HDGF: variants seen among roughly 807,000 people sequenced by gnomAD.
HDGF encodes the protein hepatoma-derived growth factor.
A neutral mutation model predicts 30.0 loss-of-function variants in HDGF; 5 were observed. The observed-to-expected ratio is 0.17, with a 90% CI of 0.09 to 0.35. The LOEUF is 0.35. HDGF is among the 10% of genes least tolerant of loss of function. The pLI is 1.00. For synonymous variants in HDGF, 133 were observed against 112.7 expected (o/e 1.18, Z -1.14); for missense variants, 214 against 302.8 (o/e 0.71, Z 2.18).
In HDGF at chr1:156,744,352, C is replaced by T. The variant is rs878897153; in HGVS notation, c.304-4G>A. ...CACAGCTCTTTTTCTGGGAGGACTG[C>T]AGCAGAGACAGCACAGGCTGAGTGG... On this transcript the variant is annotated splice_region_variant and splice_polypyrimidine_tract_variant and intron_variant, in intron 3 of 5. Transcript: ENST00000357325. 1 of 1,613,718 alleles carries T rather than the reference C, an allele frequency of 6.2e-7. No homozygotes were observed. Among genetic ancestry groups the T allele is most frequent in the Non-Finnish European group, 8.5e-7 (1 of 1,179,914 alleles).
intron 1 of HDGF, among the ~76,000 whole-genome samples, chr1:156,763,422 G>T (rs1571563176): frequency 1.3e-5 from 2 of 150,610 alleles, no homozygotes; most frequent in African/African-American, 4.9e-5. Context: ...CATCATGTTG[G>T]CCAGGCTGGC....
intron 1 of HDGF, among the ~76,000 whole-genome samples, chr1:156,747,626 G>A (rs745339285): frequency 6.6e-6 from 1 of 152,012 alleles, no homozygotes; most frequent in Non-Finnish European, 1.5e-5. Flanking sequence ...GTGGATCTGT[G>A]TGCACCCAGA....
rs534111434 is a variant in HDGF at position 156,749,579 on chromosome 1, C to T, written c.87+1764G>A. On this transcript the variant is annotated intron_variant, in intron 1 of 5. Transcript: ENST00000357325. Reference sequence around the variant, plus strand: ...GTCCAGGCCTCAACAGAGGAAGAAACGCTGCCTCCCCTGTCCTTCCCTTCT... The same window carrying T: ...GTCCAGGCCTCAACAGAGGAAGAAATGCTGCCTCCCCTGTCCTTCCCTTCT... Among the ~76,000 whole-genome samples, 9 of 152,308 alleles carry T rather than the reference C, an allele frequency of 5.9e-5. No homozygotes were observed. In the South Asian group the frequency reaches 1.2e-3, roughly 21 times the overall value.
chr1:156,754,989 G>A (rs1651131989), upstream of HDGF, among the ~76,000 whole-genome samples: 1 of 152,158 alleles, frequency 6.6e-6, no homozygotes, highest in African/African-American at 2.4e-5. Context: ...AATTCAGGAG[G>A]TTCGGAGTGT....
Position 156,751,400 on chromosome 1 carries a change from G to A in HDGF, c.30C>T (p.Tyr10=). The part of the protein sequence containing the change: MSRSNRQKE[Y]KCGDLVFAKM... ...TGGCGAACACCAGGTCCCCGCATTT[G>A]TACTCCTTCTGCCGGTTGGATCGCG... Residue 10 remains tyrosine (Y), a synonymous_variant, in exon 1 of 6, where the codon TAC becomes TAT. Transcript: ENST00000357325. This position sits in a 1 kb window ranked among gnomAD's most constrained non-coding sequence, Gnocchi z 4.7. 6.2e-7 allele frequency: 1 copy of A among 1,606,738 alleles called. No homozygotes were observed. The highest frequency in any genetic ancestry group is 2.3e-5 in the East Asian group (1 of 44,086).
intron 1 of HDGF, chr1:156,750,559 G>C (rs1009581890): frequency 5.2e-5 from 8 of 152,388 alleles, no homozygotes; most frequent in Non-Finnish European, 1.2e-4. Context: ...ACATCTGAGC[G>C]GGGGAAGGAA....
At chr1:156,745,513 A>G in intron 1 of HDGF, 140 bp from the exon 2 acceptor site, 1 of 655,630 alleles carries the variant, frequency 1.5e-6, no homozygotes, top group Non-Finnish European at 2.6e-6. Context: ...CTTTTGGGCC[A>G]TTTTTAGCAG....
At chr1:156,757,923 C>T (rs535826682) in intron 2 of HDGF, among the ~76,000 whole-genome samples, 15 of 152,290 alleles carry the variant, frequency 9.8e-5, no homozygotes, top group Admixed American at 4.6e-4. Context: ...ACATTTCCAT[C>T]ACTGCAGTAA....
chr1:156,764,336 C>G (rs1033705108), intron 1 of HDGF, among the ~76,000 whole-genome samples: 1 of 152,086 alleles, frequency 6.6e-6, no homozygotes, highest in Non-Finnish European at 1.5e-5. Context: ...TCAAGCGATT[C>G]TCCTGCCTCA....
upstream of HDGF, chr1:156,752,055 A>G: frequency 4.5e-6 from 7 of 1,551,436 alleles, no homozygotes; most frequent in Non-Finnish European, 6.1e-6. Context: ...GCCCCAGCGC[A>G]GTTAAGTGTG....
At chr1:156,751,998 A>G (rs749798381), upstream of HDGF, 33 of 1,534,734 alleles carry the variant, frequency 2.2e-5, no homozygotes, top group South Asian at 2.9e-4. This position sits in a 1 kb window ranked among gnomAD's most constrained non-coding sequence, Gnocchi z 4.7. Context: ...GGCTGGACGG[A>G]GCGGCCCCCG....
In HDGF at chr1:156,764,730, AC is replaced by A. The variant is rs1359874285; in HGVS notation, n.136+2059del. ...TGAAACCCCGTCTCTACTAAAAAAT[AC>A]AAAAATTAGCTGGGCATGGCGGTGC... On this transcript the variant is annotated intron_variant and non_coding_transcript_variant, in intron 1 of 7. Coordinates refer to the HDGF transcript ENST00000465180. Among the ~76,000 whole-genome samples, 159 of 152,158 alleles carry A rather than the reference AC, an allele frequency of 1.0e-3. 3 individuals carry two copies. Among genetic ancestry groups the A allele is most frequent in the Non-Finnish European group, 1.2e-4 (8 of 68,006 alleles).
At chr1:156,753,413 G>T (rs1207997783), upstream of HDGF, among the ~76,000 whole-genome samples, 1 of 152,222 alleles carries the variant, frequency 6.6e-6, no homozygotes, top group Admixed American at 6.5e-5. Flanking sequence ...ATTTTGAAAT[G>T]CAGTCAGTGT....
At chr1:156,752,245 C>G, upstream of HDGF, 6 of 1,551,814 alleles carry the variant, frequency 3.9e-6, no homozygotes, top group Non-Finnish European at 5.2e-6. Context: ...GGGGGTGGCC[C>G]TGGAAACGTC....
intron 1 of HDGF, among the ~76,000 whole-genome samples, chr1:156,761,306 T>C (rs1651245661): frequency 6.7e-6 from 1 of 149,862 alleles, no homozygotes; most frequent in African/African-American, 2.5e-5. Context: ...TGAGACTCTG[T>C]CTCCAAAAAA....
chr1:156,752,329 A>G, upstream of HDGF: 3 of 1,551,724 alleles, frequency 1.9e-6, no homozygotes, highest in South Asian at 3.6e-5. Flanking sequence ...ATGGCCAAGG[A>G]GTTGAGGCAC....
chr1:156,752,941 T>C (rs868283764), upstream of HDGF, among the ~76,000 whole-genome samples: 1 of 152,198 alleles, frequency 6.6e-6, no homozygotes, highest in Non-Finnish European at 1.5e-5. Flanking sequence ...AAGTCCAGGA[T>C]GTAGCCAAAA....
In HDGF at chr1:156,744,999, G is replaced by C; in HGVS notation, c.303+9C>G. ...TTCCAGGGGGTCTCTGGGGCAGGCG[G>C]TGGCTCACCTGATAGCCGGAAGCCT... On this transcript the variant is annotated intron_variant, in intron 3 of 5. Transcript: ENST00000357325. 1 of 1,613,850 alleles carries C rather than the reference G, an allele frequency of 6.2e-7. No individual in the cohort carries two copies. The highest frequency in any genetic ancestry group is 8.5e-7 in the Non-Finnish European group (1 of 1,179,812).
chr1:156,755,358 G>A (rs142249989), upstream of HDGF, among the ~76,000 whole-genome samples: 14 of 152,320 alleles, frequency 9.2e-5, no homozygotes, highest in East Asian at 2.3e-3. Context: ...GAGAGATGGA[G>A]TTTACAGTAA....
Sources: gnomAD v4.1 joint callset for allele counts (sites outside exome capture counted in the v4.1 genomes callset) on GRCh38, gnomAD v4.1.1 for gene constraint, Gnocchi (gnomAD v3.1) non-coding constraint, MANE v1.5 for transcripts, NCBI Gene and HGNC (gene_info 2026-07-23, HGNC 2026-07-21) for gene names.